ADCY2: variants seen among roughly 807,000 people sequenced by gnomAD.
ADCY2 encodes the protein adenylate cyclase 2.
ADCY2 carries 31 observed loss-of-function variants against 125.2 expected under a neutral mutation model. The observed-to-expected ratio is 0.25, with a 90% confidence interval of 0.19 to 0.33. The LOEUF (loss-of-function observed/expected upper bound fraction) is 0.33, where lower values mean the gene tolerates loss of function less well. Ranked by LOEUF, ADCY2 falls within the 10% of genes least tolerant of loss-of-function variation. The pLI is 1.00. For synonymous variants in ADCY2, 512 were observed against 548.4 expected (o/e 0.93, Z 0.93); for missense variants, 904 against 1,418.2 (o/e 0.64, Z 5.82).
Position 7,763,936 on chromosome 5 carries a change from G to C in ADCY2, c.2095-2751G>C, listed in dbSNP as rs184821337. ...TCCCTGCTGTTGACTGGGTGGATGG[G>C]CTGGTTCATCCCGAGGCTCCACGTC... On this transcript the variant is annotated intron_variant, in intron 16 of 24. Coordinates refer to ENST00000338316, the MANE Select transcript of ADCY2 (RefSeq NM_020546.3). Among the ~76,000 whole-genome samples the C allele has an allele frequency of 6.6e-5, 10 of 152,274 alleles. No homozygotes were observed. The East Asian group carries it at 1.9e-3, about 29-fold the overall frequency.
Position 7,505,433 on chromosome 5 carries a change from C to T in ADCY2, c.409-15305C>T, listed in dbSNP as rs1260259430. Among the ~76,000 whole-genome samples the T allele has an allele frequency of 2.6e-5, 4 of 152,288 alleles. No homozygotes were observed. The Middle Eastern group carries it at 0.014, about 518-fold the overall frequency. On this transcript the variant is annotated intron_variant, in intron 2 of 24. Transcript: ENST00000338316. Reference sequence around the variant, plus strand: ...TAGGCAGTGGTGCTTTAATTATTGTCAGGCAGTGGACTTGCTCATTAGAGG... The same window carrying T: ...TAGGCAGTGGTGCTTTAATTATTGTTAGGCAGTGGACTTGCTCATTAGAGG...
intron 4 of ADCY2, 141 bp downstream of exon 4, chr5:7,626,457 G>A: frequency 1.0e-6 from 1 of 963,016 alleles, no homozygotes; most frequent in Non-Finnish European, 1.5e-6. Flanking sequence ...CACCTGGGGA[G>A]TGTCTTAGTC....
intron 3 of ADCY2, among the ~76,000 whole-genome samples, chr5:7,584,783 T>C (rs1051025986): frequency 1.3e-5 from 2 of 152,144 alleles, no homozygotes; most frequent in African/African-American, 4.8e-5. Context: ...TACAAATATA[T>C]ACAATACTTA....
intron 2 of ADCY2, among the ~76,000 whole-genome samples, chr5:7,426,999 A>C (rs1015105740): frequency 1.3e-5 from 2 of 152,210 alleles, no homozygotes; most frequent in African/African-American, 4.8e-5. Context: ...CTGCCAGAAC[A>C]AAGTACCACA....
rs575777229 is a variant in ADCY2, at chr5:7,666,519, C to T, written c.721-24172C>T. Among the ~76,000 whole-genome samples the T allele has an allele frequency of 3.0e-3, 450 of 150,664 alleles. 2 individuals are homozygous for T. Among genetic ancestry groups the T allele is most frequent in the African/African-American group, 0.01 (413 of 41,028 alleles). On this transcript the variant is annotated intron_variant, in intron 4 of 24. Transcript: ENST00000338316. ...TCCGGACCTCATGATCCGACCGCCTCGGCCTCCCAAAGTGCTGGGTTTACA... is the reference window on the plus strand; with the variant it reads ...TCCGGACCTCATGATCCGACCGCCTTGGCCTCCCAAAGTGCTGGGTTTACA...
chr5:7,474,045 C>T (rs748808015), intron 2 of ADCY2, among the ~76,000 whole-genome samples: 2 of 152,154 alleles, frequency 1.3e-5, no homozygotes, highest in African/African-American at 2.4e-5. Context: ...AGATTTTAGG[C>T]CAGTTCATTG....
At chr5:7,415,487 A>G (rs1739903839) in intron 2 of ADCY2, among the ~76,000 whole-genome samples, 1 of 152,120 alleles carries the variant, frequency 6.6e-6, no homozygotes, top group Non-Finnish European at 1.5e-5. Flanking sequence ...TGCCTTGTCT[A>G]GGCTTCCTAT....
intron 2 of ADCY2, among the ~76,000 whole-genome samples, chr5:7,425,180 G>A (rs1043743237): frequency 6.6e-6 from 1 of 152,242 alleles, no homozygotes; most frequent in African/African-American, 2.4e-5. Flanking sequence ...CAACAAGGAG[G>A]TGTGAGTGGG....
At chr5:7,716,000 C>T (rs79458499) in intron 11 of ADCY2, among the ~76,000 whole-genome samples, 4 of 152,274 alleles carry the variant, frequency 2.6e-5, no homozygotes, top group African/African-American at 7.2e-5. Context: ...GCTAGCAGGC[C>T]GTGCTTTTAA....
At position 7,690,787 on chromosome 5, in the gene ADCY2, G is replaced by A; in HGVS notation, c.817G>A (p.Glu273Lys). 1 of 1,609,846 alleles carries A rather than the reference G, an allele frequency of 6.2e-7. No homozygotes were observed. Among genetic ancestry groups the A allele is most frequent in the Non-Finnish European group, 8.5e-7 (1 of 1,178,436 alleles). Residue 273 changes from glutamate to lysine, a missense_variant, in exon 5 of 25, where the codon GAG (glutamate) becomes AAG (lysine). Glu to Lys is a moderately conservative substitution (Grantham distance 56). This residue lies in a region of ADCY2 where 117 missense variants were observed against 248.0 expected (regional missense o/e 0.47). Coordinates refer to ENST00000338316, the MANE Select transcript of ADCY2 (RefSeq NM_020546.3). ...RLQGPKAGQM[E>K]NTNNFHNLYV... ...GCAGGGCCCCAAGGCGGGCCAGATG[G>A]AGAACACAAATAACTTCCACAACCT...
At chr5:7,528,391 T>A (rs12332555) in intron 3 of ADCY2, among the ~76,000 whole-genome samples, 39,587 of 148,552 alleles carry the variant, frequency 0.27, 5,840 homozygotes, top group East Asian at 0.42. Flanking sequence ...CATGGAACTT[T>A]CATGTTGGTA....
intron 14 of ADCY2, among the ~76,000 whole-genome samples, chr5:7,728,440 T>G (rs910239101): frequency 2.6e-5 from 4 of 152,184 alleles, no homozygotes; most frequent in Admixed American, 2.6e-4. Context: ...ACTTCTCCTC[T>G]CCCCATGATT....
chr5:7,500,851 A>C (rs1039331508), intron 2 of ADCY2, among the ~76,000 whole-genome samples: 4 of 152,200 alleles, frequency 2.6e-5, no homozygotes, highest in African/African-American at 7.2e-5. Flanking sequence ...GCTCCTGCTT[A>C]AATATTTTTC....
chr5:7,714,749 C>T (rs1741544420), intron 11 of ADCY2, among the ~76,000 whole-genome samples: 1 of 152,372 alleles, frequency 6.6e-6, no homozygotes, highest in South Asian at 2.1e-4. Context: ...CTGGAGAGAA[C>T]CCCAGTTCTG....
intron 2 of ADCY2, among the ~76,000 whole-genome samples, chr5:7,512,110 AT>A (rs1744083503): frequency 6.7e-6 from 1 of 149,282 alleles, no homozygotes; most frequent in African/African-American, 2.5e-5. Context: ...AATTCTAGCT[AT>A]TTGGGAAGCT....
intron 5 of ADCY2, 180 bp downstream of exon 5, chr5:7,691,019 C>A: frequency 1.7e-6 from 1 of 588,098 alleles, no homozygotes. Context: ...AGGGCCTTCA[C>A]ATTAAGATGA....
At chr5:7,467,372 A>C (rs1742162821) in intron 2 of ADCY2, among the ~76,000 whole-genome samples, 1 of 152,172 alleles carries the variant, frequency 6.6e-6, no homozygotes, top group Non-Finnish European at 1.5e-5. Context: ...TGCAGGGTGC[A>C]TGAGGCCTGA....
At chr5:7,822,785 G>A (rs1561045045) in intron 24 of ADCY2, among the ~76,000 whole-genome samples, 1 of 152,188 alleles carries the variant, frequency 6.6e-6, no homozygotes, top group Non-Finnish European at 1.5e-5. Flanking sequence ...TCAGAAAGCA[G>A]TGGATTCACG....
intron 14 of ADCY2, among the ~76,000 whole-genome samples, chr5:7,735,987 C>T (rs1742238556): frequency 6.6e-6 from 1 of 152,154 alleles, no homozygotes; most frequent in Admixed American, 6.6e-5. Context: ...TGCTTGAGCT[C>T]AAGAGTTTGA....
Sources: allele counts gnomAD v4.1 joint callset (sites outside exome capture counted in the v4.1 genomes callset), GRCh38; gene constraint gnomAD v4.1.1; regional missense constraint gnomAD v4.1.1; transcripts MANE v1.5; gene names NCBI Gene and HGNC (gene_info 2026-07-23, HGNC 2026-07-21).